The following TEDC1 variants were observed in gnomAD, a reference collection of about 807,000 sequenced individuals.
The protein encoded by TEDC1 is tubulin epsilon and delta complex protein 1.
In TEDC1, 54 loss-of-function variants were observed where a neutral mutation model predicts 59.9. The observed-to-expected ratio is 0.90, with a 90% CI of 0.72 to 1.13. TEDC1 has a LOEUF of 1.13. TEDC1 is among the 50% of genes most tolerant of loss of function. The pLI, the probability that TEDC1 is intolerant of heterozygous loss-of-function variation, is 0.00. For synonymous variants in TEDC1, 353 were observed against 298.1 expected (o/e 1.18, Z -1.90); for missense variants, 734 against 683.4 (o/e 1.07, Z -0.83).
intron 1 of TEDC1, 44 bp downstream of exon 1, chr14:105,491,566 G>A: frequency 6.5e-7 from 1 of 1,542,802 alleles, no homozygotes; most frequent in Non-Finnish European, 8.7e-7. Flanking sequence ...GGGGTCCCGG[G>A]CCCTCGCAGG....
chr14:105,491,513 T>C lies in TEDC1; in HGVS notation c.138T>C (p.Arg46=), dbSNP rs1555439269. ...PEIFRRAKFD[R]PEATSALWQL... ...TCTTCCGCCGCGCCAAGTTCGACCG[T>C]CCGGAGGCGGTGACGCTCTCGCGGA... Residue 46 remains arginine, a synonymous_variant, in exon 1 of 9, where the codon CGT becomes CGC. Coordinates refer to ENST00000392523, the MANE Select transcript of TEDC1 (RefSeq NM_001367178.1). 1 of 1,513,262 alleles carries C rather than the reference T, an allele frequency of 6.6e-7. No homozygotes were observed. 93.7% of individuals were successfully genotyped at this position (1,513,262 alleles called of 1,614,324 possible). A position where few individuals can be genotyped will look rare whatever the true frequency, so the allele number is the denominator to read the frequency against.
intron 8 of TEDC1, 103 bp from the exon 9 acceptor site, chr14:105,498,514 A>C: frequency 1.6e-6 from 2 of 1,279,362 alleles, no homozygotes; most frequent in Admixed American, 2.9e-5. Flanking sequence ...CGTTTCCCGC[A>C]TGCCTGCAGC....
intron 4 of TEDC1, among the ~76,000 whole-genome samples, chr14:105,493,346 G>A (rs1012605638): frequency 4.9e-5 from 7 of 141,896 alleles, no homozygotes; most frequent in East Asian, 5.0e-4. Flanking sequence ...CTCTCACCCC[G>A]TCGGGCCTGG....
Position 105,493,883 on chromosome 14 carries a change from C to T in TEDC1, c.634C>T (p.Leu212=), listed in dbSNP as rs1372752313. 3.1e-6 allele frequency: 5 copies of T among 1,587,742 alleles called. No homozygotes were observed. Among genetic ancestry groups the T allele is most frequent in the Non-Finnish European group, 4.3e-6 (5 of 1,169,168 alleles). Residue 212 remains leucine, a synonymous_variant, in exon 5 of 9, where the codon CTG becomes TTG. Transcript: ENST00000392523. ...GCHSDQSLSH[L]SVTEAEMLRD... ...CCACAGCGACCAGAGCCTTAGCCAT[C>T]TGTCTGTCACTGAAGCAGAGATGCT...
chr14:105,490,947 A>G, upstream of TEDC1: 1 of 1,299,960 alleles, frequency 7.7e-7, no homozygotes, highest in East Asian at 2.5e-5. Context: ...TGAGCCTGCA[A>G]GGGCGGACTC....
intron 5 of TEDC1, chr14:105,494,433 T>G: frequency 6.0e-6 from 1 of 167,352 alleles, no homozygotes; most frequent in Non-Finnish European, 1.3e-5. Flanking sequence ...GGACCGAGCC[T>G]CCCAAGCTGG....
chr14:105,491,875 C>T (rs1238095197), intron 2 of TEDC1, among the ~76,000 whole-genome samples, 175 bp downstream of exon 2: 2 of 152,250 alleles, frequency 1.3e-5, no homozygotes, highest in African/African-American at 2.4e-5. Context: ...CTGATGGGCC[C>T]TAGCTCCACC....
rs2084413756 is a variant in TEDC1, at chr14:105,499,082, G to C, written c.*136G>C. On this transcript the variant is annotated 3_prime_UTR_variant, in exon 9 of 9. Transcript: ENST00000392523. Reference sequence around the variant, plus strand: ...GCCCACGTCACATGCTCGCTCCAGGGGTGGGGCTGGGCTGACTCTGGCCGG... The same window carrying C: ...GCCCACGTCACATGCTCGCTCCAGGCGTGGGGCTGGGCTGACTCTGGCCGG... 3.1e-6 allele frequency: 3 copies of C among 974,962 alleles called. No individual in the cohort carries two copies. Among genetic ancestry groups the C allele is most frequent in the Admixed American group, 2.8e-5 (1 of 36,048 alleles). The allele number at this position is 974,962 out of a possible 1,614,324, so 60.4% of individuals were successfully genotyped here.
intron 6 of TEDC1, 47 bp from the exon 7 acceptor site, chr14:105,497,310 A>G (rs897527595): frequency 2.8e-5 from 42 of 1,525,302 alleles, no homozygotes; most frequent in Middle Eastern, 1.8e-4. Context: ...CTGTCTGTCC[A>G]TGGGGTCCCG....
intron 2 of TEDC1, 73 bp from the exon 3 acceptor site, chr14:105,492,034 G>A (rs1555439498): frequency 4.9e-6 from 7 of 1,441,572 alleles, no homozygotes; most frequent in Non-Finnish European, 5.7e-6. Context: ...GACCTGTGGG[G>A]GTCTCTGGAG....
chr14:105,498,980 G>A lies in TEDC1; in HGVS notation c.*34G>A. 2 of 1,561,420 alleles carry A rather than the reference G, an allele frequency of 1.3e-6. No individual in the cohort carries two copies. Among genetic ancestry groups the A allele is most frequent in the Non-Finnish European group, 1.7e-6 (2 of 1,153,682 alleles). On this transcript the variant is annotated 3_prime_UTR_variant, in exon 9 of 9. Coordinates refer to ENST00000392523, the MANE Select transcript of TEDC1 (RefSeq NM_001367178.1). ...CGACGGGCCCTCGTGTGGGAAGCCT[G>A]CCCTGGCCCAGCCTGGCTGGGTCTT...
At position 105,493,941 on chromosome 14, in the gene TEDC1, C is replaced by G. The variant is rs371651798; in HGVS notation, c.684+8C>G. ...CCAGAGGGAGGCCAGCAGGTGAGGG[C>G]GGGCAAGCTGCTGCGGGGGGGTGGG... On this transcript the variant is annotated splice_region_variant and intron_variant, in intron 5 of 8. Coordinates refer to ENST00000392523, the MANE Select transcript of TEDC1 (RefSeq NM_001367178.1). The G allele has an allele frequency of 2.8e-6, 2 of 709,688 alleles. No individual in the cohort carries two copies. Among genetic ancestry groups the G allele is most frequent in the Non-Finnish European group, 3.9e-6 (2 of 506,932 alleles). The allele number at this position is 709,688 out of a possible 1,614,324, so 44.0% of individuals were successfully genotyped here. A position where few individuals can be genotyped will look rare whatever the true frequency, so the allele number is the denominator to read the frequency against.
chr14:105,491,411 TG>T lies in TEDC1; in HGVS notation c.40del (p.Ala14ProfsTer13). ...RRRQRVDPAA[G>X]ARAGALPEAI... Reference sequence around the variant, plus strand: ...GGCGGCAGCGGGTGGACCCCGCGGCTGGGGCCCGGGCCGGGGCCCTGCCTGA... The same window carrying T: ...GGCGGCAGCGGGTGGACCCCGCGGCTGGGCCCGGGCCGGGGCCCTGCCTGA... On this transcript the variant is annotated frameshift_variant, in exon 1 of 9. Coordinates refer to ENST00000392523, the MANE Select transcript of TEDC1 (RefSeq NM_001367178.1). LOFTEE classifies it high-confidence loss of function. 7.1e-7 allele frequency: 1 copy of T among 1,417,246 alleles called. No individual in the cohort carries two copies. The highest frequency in any genetic ancestry group is 9.1e-7 in the Non-Finnish European group (1 of 1,095,178). 87.8% of individuals were successfully genotyped at this position (1,417,246 alleles called of 1,614,324 possible).
At chr14:105,498,212 G>A (rs1428559565) in intron 8 of TEDC1, among the ~76,000 whole-genome samples, 25 of 152,326 alleles carry the variant, frequency 1.6e-4, no homozygotes, top group African/African-American at 5.5e-4. Context: ...CTTTGCATGA[G>A]GGAGGGAAGC....
chr14:105,492,386 G>A, intron 3 of TEDC1, 77 bp downstream of exon 3: 2 of 1,565,090 alleles, frequency 1.3e-6, no homozygotes, highest in East Asian at 2.3e-5. Flanking sequence ...GCCTGGGTCA[G>A]CCCCCTCTGT....
At chr14:105,490,853 C>T, upstream of TEDC1, 1 of 691,670 alleles carries the variant, frequency 1.4e-6, no homozygotes, top group South Asian at 1.7e-5. Context: ...CGCGCTCCCG[C>T]CCGGCGGTTG....
intron 2 of TEDC1, 96 bp from the exon 3 acceptor site, chr14:105,492,011 C>T (rs587716044): frequency 1.1e-5 from 14 of 1,296,480 alleles, no homozygotes; most frequent in African/African-American, 8.8e-5. Context: ...AGGCCTTGAG[C>T]TTCTGCTCAA....
In TEDC1 at chr14:105,491,691, C is replaced by T; in HGVS notation, c.217C>T (p.Leu73Phe). The T allele has an allele frequency of 6.5e-7, 1 of 1,548,924 alleles. No homozygotes were observed. Among genetic ancestry groups the T allele is most frequent in the Non-Finnish European group, 8.7e-7 (1 of 1,146,856 alleles). Reference protein sequence around the residue: ...PLPAGNALASLALEVQARLVK... With the variant: ...PLPAGNALASFALEVQARLVK... ...CCCTGCGGGCAACGCCTTGGCATCG[C>T]TCGCCCTGGGTAAGCCCCGCTCCTG... Residue 73 changes from leucine (L) to phenylalanine (F), a missense_variant, in exon 2 of 9, where the codon CTC (leucine) becomes TTC (phenylalanine). Coordinates refer to ENST00000392523, the MANE Select transcript of TEDC1 (RefSeq NM_001367178.1).
rs2084241144 is a variant in TEDC1 at position 105,492,571 on chromosome 14, C to G, written c.430-8C>G. 20 of 1,536,990 alleles carry G rather than the reference C, an allele frequency of 1.3e-5. No homozygotes were observed. Among genetic ancestry groups the G allele is most frequent in the Middle Eastern group, 1.7e-4 (1 of 5,970 alleles). The stretch of plus-strand genomic sequence containing the variant: ...TGGGAGCAGGGCCTGACCCTTGCCC[C>G]TCTCCAGTGTGAGGCCCTGGCCAGC... On this transcript the variant is annotated splice_region_variant and splice_polypyrimidine_tract_variant and intron_variant, in intron 3 of 8. Transcript: ENST00000392523.
Sources: gnomAD v4.1 joint callset for allele counts (sites outside exome capture counted in the v4.1 genomes callset) on GRCh38, gnomAD v4.1.1 for gene constraint, MANE v1.5 for transcripts, NCBI Gene and HGNC (gene_info 2026-07-23, HGNC 2026-07-21) for gene names.